The following MEGF6 variants were observed in gnomAD, a reference collection of about 807,000 sequenced individuals.
MEGF6 encodes multiple epidermal growth factor-like domains protein 6.
MEGF6 carries 184 observed loss-of-function variants against 207.1 expected under a neutral mutation model. The ratio of observed to expected loss-of-function variants is 0.89; its 90% CI spans 0.79 to 1.00. The LOEUF is 1.00. MEGF6 is among the 50% of genes least tolerant of loss of function. MEGF6 has a pLI of 0.00. For missense variants in MEGF6, 2,282 were observed against 2,202.9 expected (o/e 1.04, Z -0.72); for synonymous variants, 1,038 against 910.0 (o/e 1.14, Z -2.53).
At chr1:3,559,111 A>ACTGGGAGCT in intron 4 of MEGF6, among the ~76,000 whole-genome samples, 1 of 152,344 alleles carries the variant, frequency 6.6e-6, no homozygotes, top group African/African-American at 2.4e-5. Flanking sequence ...CTCCCTCTGC[A>ACTGGGAGCT]CTGGGAGCTC....
intron 14 of MEGF6, 55 bp downstream of exon 14, chr1:3,507,740 A>G: frequency 6.2e-7 from 1 of 1,611,018 alleles, no homozygotes; most frequent in Non-Finnish European, 8.5e-7. Flanking sequence ...GGTGTCTCCC[A>G]CTTCCCTTAC....
intron 4 of MEGF6, among the ~76,000 whole-genome samples, chr1:3,533,860 C>T (rs1361741033): frequency 6.6e-6 from 1 of 152,174 alleles, no homozygotes; most frequent in African/African-American, 2.4e-5. Flanking sequence ...GAGGCCCTTC[C>T]TTGAAGGGAT....
At position 3,493,841 on chromosome 1, in the gene MEGF6, C is replaced by T. The variant is rs762993900; in HGVS notation, c.4317G>A (p.Gly1439=). 118 of 1,604,602 alleles carry T rather than the reference C, an allele frequency of 7.4e-5. No individual in the cohort carries two copies. The highest frequency in any genetic ancestry group is 9.7e-5 in the Non-Finnish European group (114 of 1,176,370). ...GCHQRCDCDG[G]APCDPVTGLC... ...GACCGGTGACAGGGTCACAGGGTGC[C>T]CCCCCGTCACAGTCACAGCGCTGGT... The change falls in exon 34 of 37, where the codon GGG becomes GGA. Residue 1439 remains glycine, a synonymous_variant. Coordinates refer to ENST00000356575, the MANE Select transcript of MEGF6 (RefSeq NM_001409.4).
chr1:3,494,304 C>A, intron 32 of MEGF6, 67 bp downstream of exon 32: 1 of 1,496,226 alleles, frequency 6.7e-7, no homozygotes, highest in Non-Finnish European at 8.9e-7. Flanking sequence ...GCCTGGATCA[C>A]CCACACGGGA....
intron 4 of MEGF6, among the ~76,000 whole-genome samples, chr1:3,566,697 G>A (rs765997595): frequency 2.8e-4 from 43 of 152,186 alleles, no homozygotes; most frequent in Admixed American, 9.8e-4. Flanking sequence ...GAAATGGCTG[G>A]GGCTGGAGAG....
At chr1:3,561,779 C>T (rs139312659) in intron 4 of MEGF6, among the ~76,000 whole-genome samples, 2 of 152,358 alleles carry the variant, frequency 1.3e-5, no homozygotes, top group African/African-American at 4.8e-5. Flanking sequence ...CATCTGACTT[C>T]GCTCTCCTGA....
Position 3,490,826 on chromosome 1 carries a change from G to A in MEGF6, c.4564+86C>T. ...CCGGGTGCAGCTGCTGCCCTGTGGGGCCCAGATTATACTTAAGCACTCTTC... is the reference window on the plus strand; with the variant it reads ...CCGGGTGCAGCTGCTGCCCTGTGGGACCCAGATTATACTTAAGCACTCTTC... On this transcript the variant is annotated intron_variant, in intron 36 of 36. Transcript: ENST00000356575. 3 of 1,488,678 alleles carry A rather than the reference G, an allele frequency of 2.0e-6. No homozygotes were observed. The South Asian group carries it at 3.6e-5, about 18-fold the overall frequency. The allele number at this position is 1,488,678 out of a possible 1,614,324, so 92.2% of individuals were successfully genotyped here.
At chr1:3,497,465 C>A in intron 26 of MEGF6, 104 bp from the exon 27 acceptor site, 1 of 1,321,642 alleles carries the variant, frequency 7.6e-7, no homozygotes, top group Admixed American at 2.8e-5. Context: ...CCACCCAATG[C>A]TGGCTGAACT....
chr1:3,514,876 C>T (rs919852975), intron 6 of MEGF6, among the ~76,000 whole-genome samples: 40 of 152,308 alleles, frequency 2.6e-4, no homozygotes, highest in Admixed American at 4.6e-4. Context: ...TCTCAGGACG[C>T]GGCCAGCCAG....
chr1:3,525,286 C>T (rs1285297074), intron 4 of MEGF6, among the ~76,000 whole-genome samples: 6 of 152,252 alleles, frequency 3.9e-5, no homozygotes, highest in Non-Finnish European at 8.8e-5. Context: ...TTTAGAACCA[C>T]GTGTCCTCAG....
At position 3,490,976 on chromosome 1, in the gene MEGF6, G is replaced by A. The variant is rs1283473720; in HGVS notation, c.4517-17C>T. The A allele has an allele frequency of 1.3e-6, 2 of 1,589,896 alleles. No individual in the cohort carries two copies. Reference sequence around the variant, plus strand: ...GGGGCCCACCTGGAGGGGAGAGAGAGCAGGCCATGTTAGTACCCCCAGCCT... The same window carrying A: ...GGGGCCCACCTGGAGGGGAGAGAGAACAGGCCATGTTAGTACCCCCAGCCT... On this transcript the variant is annotated splice_polypyrimidine_tract_variant and intron_variant, in intron 35 of 36. Coordinates refer to ENST00000356575, the MANE Select transcript of MEGF6 (RefSeq NM_001409.4).
intron 2 of MEGF6, among the ~76,000 whole-genome samples, chr1:3,599,523 T>C (rs1644125428): frequency 6.6e-6 from 1 of 152,194 alleles, no homozygotes; most frequent in Non-Finnish European, 1.5e-5. Flanking sequence ...CCCAACAACC[T>C]GGCACAGGCA....
At position 3,524,144 on chromosome 1, in the gene MEGF6, G is replaced by C. The variant is rs376754220; in HGVS notation, c.584C>G (p.Thr195Ser). ...CECKPGFRLH[T>S]DSRTCLAINS... ...CTCACCCAGGCAGGTCCTGCTGTCA[G>C]TGTGGAGCCGGAAGCCGGGCTTGCA... Residue 195 changes from threonine (T) to serine (S), a missense_variant, in exon 5 of 37, where the codon ACT becomes AGT. Transcript: ENST00000356575. 9.0e-5 allele frequency: 145 copies of C among 1,612,520 alleles called. No individual in the cohort carries two copies. The highest frequency in any genetic ancestry group is 1.1e-4 in the Non-Finnish European group (135 of 1,179,802).
At chr1:3,595,296 G>C in intron 3 of MEGF6, 42 bp downstream of exon 3, 1 of 1,420,228 alleles carries the variant, frequency 7.0e-7, no homozygotes, top group South Asian at 1.2e-5. Flanking sequence ...GTCCTCTGGG[G>C]TGGAGGTGGA....
chr1:3,622,767 G>A, the MEGF6 span, among the ~76,000 whole-genome samples: 1 of 152,222 alleles, frequency 6.6e-6, no homozygotes, highest in Admixed American at 6.5e-5. Flanking sequence ...CCAGGGCTAT[G>A]AGGAAACACG....
intron 4 of MEGF6, among the ~76,000 whole-genome samples, chr1:3,557,752 G>T (rs1643078885): frequency 6.6e-6 from 1 of 152,224 alleles, no homozygotes; most frequent in Non-Finnish European, 1.5e-5. Flanking sequence ...GAGTTCAGGG[G>T]ATAAAGTGCA....
intron 26 of MEGF6, chr1:3,497,595 G>A (rs1463427624): frequency 1.4e-6 from 1 of 692,898 alleles, no homozygotes; most frequent in Non-Finnish European, 2.6e-6. Flanking sequence ...CCCTCACAGT[G>A]AGGCCCGAAT....
chr1:3,533,733 G>A (rs1570078190), intron 4 of MEGF6, among the ~76,000 whole-genome samples: 2 of 152,308 alleles, frequency 1.3e-5, no homozygotes, highest in East Asian at 3.9e-4. Context: ...ATGGGGCCCA[G>A]TACTCGGCGG....
intron 3 of MEGF6, among the ~76,000 whole-genome samples, chr1:3,590,511 TAA>T (rs1643959510): frequency 2.0e-5 from 3 of 152,152 alleles, no homozygotes; most frequent in Non-Finnish European, 4.4e-5. Flanking sequence ...CGCCCGGCAC[TAA>T]GTAAGTGGCT....
Sources: gnomAD v4.1 joint callset for allele counts (sites outside exome capture counted in the v4.1 genomes callset) on GRCh38, gnomAD v4.1.1 for gene constraint, MANE v1.5 for transcripts, NCBI Gene and HGNC (gene_info 2026-07-23, HGNC 2026-07-21) for gene names.